Variants in TTC13 observed in about 807,000 individuals in gnomAD.
TTC13 encodes tetratricopeptide repeat domain 13.
Under a neutral mutation model 120.0 loss-of-function variants are expected in TTC13, and 62 were observed. The ratio of observed to expected loss-of-function variants is 0.52; its 90% CI spans 0.42 to 0.64. The LOEUF (loss-of-function observed/expected upper bound fraction) is 0.64. Among genes scored for constraint, TTC13 ranks in the 30% least tolerant of loss-of-function variants. The pLI, the probability that TTC13 is intolerant of heterozygous loss-of-function variation, is 0.00. For synonymous variants in TTC13, 384 were observed against 393.5 expected (o/e 0.98, Z 0.28); for missense variants, 824 against 1,050.2 (o/e 0.78, Z 2.98).
At chr1:230,935,532 C>G (rs1414320391) in intron 8 of TTC13, among the ~76,000 whole-genome samples, 3 of 152,070 alleles carry the variant, frequency 2.0e-5, no homozygotes, top group African/African-American at 7.2e-5. Context: ...TAGTACTGTA[C>G]AGTGGCACAG....
chr1:230,921,431 C>A lies in TTC13; in HGVS notation c.1888G>T (p.Val630Phe), dbSNP rs775425838. The A allele has an allele frequency of 1.3e-6, 2 of 1,499,776 alleles. No individual in the cohort carries two copies. The highest frequency in any genetic ancestry group is 9.1e-7 in the Non-Finnish European group (1 of 1,093,222). 92.9% of individuals were successfully genotyped at this position (1,499,776 alleles called of 1,614,324 possible). The change falls in exon 16 of 23, where the codon GTT becomes TTT. Residue 630 changes from valine to phenylalanine, a missense_variant. Val to Phe is a conservative substitution (Grantham distance 50). Coordinates refer to ENST00000366661, the MANE Select transcript of TTC13 (RefSeq NM_024525.5). The stretch of plus-strand genomic sequence containing the variant: ...AAATTAAAGGCTTACCCATGATAAA[C>A]AAGAATTCTGTCTTTAATAAAATGA... ...ILHFIKDRIL[V>F]YHGANNPKGL...
In TTC13 at chr1:230,909,005, C is replaced by T. The variant is rs779807159; in HGVS notation, c.2325G>A (p.Ser775=). 39 of 1,613,884 alleles carry T rather than the reference C, an allele frequency of 2.4e-5. No individual in the cohort carries two copies. Among genetic ancestry groups the T allele is most frequent in the South Asian group, 1.5e-4 (14 of 91,076 alleles). ...TTGCCATCAGTGCTCCCACGATGAC[C>T]GAGTAAGCAATTACACTATTTAAAT... ...LSRGSSVIAY[S]VIVGALMASG... is the part of the protein sequence containing the mutation. Residue 775 remains serine (S), a synonymous_variant, in exon 21 of 23, where the codon TCG becomes TCA. Transcript: ENST00000366661.
intron 10 of TTC13, 74 bp from the exon 11 acceptor site, chr1:230,931,546 A>G: frequency 6.4e-7 from 1 of 1,554,964 alleles, no homozygotes; most frequent in South Asian, 1.2e-5. Flanking sequence ...TTACTCTGGA[A>G]TTAGTTTTCC....
Position 230,958,249 on chromosome 1 carries a change from A to C in TTC13, c.417T>G (p.Asp139Glu). 1 of 1,613,154 alleles carries C rather than the reference A, an allele frequency of 6.2e-7. No individual in the cohort carries two copies. Among genetic ancestry groups the C allele is most frequent in the Non-Finnish European group, 8.5e-7 (1 of 1,179,826 alleles). The change falls in exon 3 of 23, where the codon GAT (aspartate) becomes GAG (glutamate). Residue 139 changes from aspartate (D) to glutamate (E), a missense_variant. Around this residue, in one of 4 missense-constraint regions of TTC13, gnomAD observed 430 missense variants for 626.8 expected, o/e 0.69. Transcript: ENST00000366661. ...AEQKRFPFAT[D>E]NDSTNEELAI... is the part of the protein sequence containing the mutation. ...CTAACTCTTCATTTGTGCTGTCATT[A>C]TCAGTGGCAAACGGGAATCTCTTCT... is the stretch of plus-strand genomic sequence containing the variant.
At chr1:230,969,862 T>C (rs1358658924) in intron 1 of TTC13, among the ~76,000 whole-genome samples, 1 of 152,256 alleles carries the variant, frequency 6.6e-6, no homozygotes, top group African/African-American at 2.4e-5. Context: ...TAGTATAGGC[T>C]TATAGGCTAA....
At chr1:230,947,683 C>T (rs1675130161) in intron 4 of TTC13, among the ~76,000 whole-genome samples, 2 of 152,188 alleles carry the variant, frequency 1.3e-5, no homozygotes, top group African/African-American at 4.8e-5. Flanking sequence ...GGATAACATA[C>T]ATCTCCAGGA....
intron 11 of TTC13, among the ~76,000 whole-genome samples, chr1:230,930,810 C>T (rs949760381): frequency 7.2e-5 from 11 of 152,090 alleles, no homozygotes; most frequent in East Asian, 1.9e-4. Flanking sequence ...CCCAGCTACT[C>T]GGGAGGCTGA....
intron 1 of TTC13, among the ~76,000 whole-genome samples, chr1:230,972,712 T>G (rs983631202): frequency 2.6e-5 from 4 of 152,334 alleles, no homozygotes; most frequent in African/African-American, 9.6e-5. Context: ...AAATAATAAT[T>G]AACCCTTATC....
chr1:230,924,436 C>A (rs1672869400), intron 14 of TTC13, among the ~76,000 whole-genome samples: 1 of 152,158 alleles, frequency 6.6e-6, no homozygotes, highest in African/African-American at 2.4e-5. Flanking sequence ...GGGTTCACGC[C>A]ATTCTCCTGC....
At chr1:230,959,867 T>A (rs1465238086) in intron 2 of TTC13, among the ~76,000 whole-genome samples, 1 of 152,264 alleles carries the variant, frequency 6.6e-6, no homozygotes, top group African/African-American at 2.4e-5. Flanking sequence ...TCCTGAAAGC[T>A]GTATTGCCTG....
chr1:230,942,985 C>T lies in TTC13; in HGVS notation c.672+821G>A, dbSNP rs1035824401. The stretch of plus-strand genomic sequence containing the variant: ...CCTTTAAGATGTGGCTGTCATCATC[C>T]TCACTTGATCTATGTATCCATGCAC... On this transcript the variant is annotated intron_variant, in intron 6 of 22. Transcript: ENST00000366661. This position sits in a 1 kb window ranked among gnomAD's most constrained non-coding sequence, Gnocchi z 4.0. Among the ~76,000 whole-genome samples, 2 of 152,164 alleles carry T rather than the reference C, an allele frequency of 1.3e-5. No individual in the cohort carries two copies. Among genetic ancestry groups the T allele is most frequent in the African/African-American group, 4.8e-5 (2 of 41,432 alleles).
At position 230,916,228 on chromosome 1, in the gene TTC13, T is replaced by C. The variant is rs775277520; in HGVS notation, c.2058A>G (p.Glu686=). 8.1e-5 allele frequency: 130 copies of C among 1,614,116 alleles called. No individual in the cohort carries two copies. Among genetic ancestry groups the C allele is most frequent in the Middle Eastern group, 1.6e-4 (1 of 6,062 alleles). The change falls in exon 18 of 23, where the codon GAA becomes GAG. Residue 686 remains glutamate, a synonymous_variant. Transcript: ENST00000366661. ...TAATCGTGATTGTGAATCCATCATA[T>C]TCCTTCCCTTGGTCTTTAAGGCTGG... ...KVPSLKDQGK[E]YDGFTITITG...
Position 230,911,458 on chromosome 1 carries a change from G to A in TTC13, c.2309+12C>T, listed in dbSNP as rs370225801. 1.8e-5 allele frequency: 27 copies of A among 1,540,986 alleles called. No individual in the cohort carries two copies. The African/African-American group carries it at 3.2e-4, about 18-fold the overall frequency. ...CAATTTAAAATAATTTTAATGACAG[G>A]ATATTACTTACCTGGATCCTCGAGA... On this transcript the variant is annotated intron_variant, in intron 20 of 22. Coordinates refer to ENST00000366661, the MANE Select transcript of TTC13 (RefSeq NM_024525.5).
At position 230,940,091 on chromosome 1, in the gene TTC13, G is replaced by A. The variant is rs537099199; in HGVS notation, c.789+349C>T. Among the ~76,000 whole-genome samples, 47 of 152,232 alleles carry A rather than the reference G, an allele frequency of 3.1e-4. No homozygotes were observed. Among genetic ancestry groups the A allele is most frequent in the African/African-American group, 9.2e-4 (38 of 41,530 alleles). ...AACCCAAAGAAATTCAAATTGTACC[G>A]CTAAGTTTAATAATCACATTGACAA... is the stretch of plus-strand genomic sequence containing the variant. On this transcript the variant is annotated intron_variant, in intron 7 of 22. Coordinates refer to ENST00000366661, the MANE Select transcript of TTC13 (RefSeq NM_024525.5). The surrounding 1 kb of genome is among the most constrained non-coding windows in gnomAD (Gnocchi z 4.1).
intron 12 of TTC13, among the ~76,000 whole-genome samples, chr1:230,926,730 T>C (rs994362142): frequency 6.6e-6 from 1 of 152,216 alleles, no homozygotes; most frequent in African/African-American, 2.4e-5. Flanking sequence ...ATAATCTCCA[T>C]GAGCAATCAA....
At chr1:230,955,353 C>T (rs6541241) in intron 3 of TTC13, among the ~76,000 whole-genome samples, 105,499 of 151,932 alleles carry the variant, frequency 0.69, 37,311 homozygotes, top group African/African-American at 0.83. Context: ...AGAGCTTATA[C>T]TTTCTGACAG....
chr1:230,970,868 T>C (rs909078822), intron 1 of TTC13, among the ~76,000 whole-genome samples: 2 of 152,166 alleles, frequency 1.3e-5, no homozygotes, highest in Non-Finnish European at 1.5e-5. Context: ...GCTTTTCCCT[T>C]GGATGAGCTA....
chr1:230,906,916 T>C lies in TTC13; in HGVS notation c.2572A>G (p.Lys858Glu). 6.7e-7 allele frequency: 1 copy of C among 1,503,464 alleles called. No homozygotes were observed. The highest frequency in any genetic ancestry group is 2.6e-5 in the East Asian group (1 of 38,708). The allele number at this position is 1,503,464 out of a possible 1,614,324, so 93.1% of individuals were successfully genotyped here. ...ATACAGCAGCAGAACTAGAGTTTCTTAAGACAACGTGGAGAAGAGTCTGTG... is the reference window on the plus strand; with the variant it reads ...ATACAGCAGCAGAACTAGAGTTTCTCAAGACAACGTGGAGAAGAGTCTGTG... ...LNTDSSPRCL[K>E]KL is the part of the protein sequence containing the mutation. Residue 858 changes from lysine to glutamate, a missense_variant, in exon 23 of 23, where the codon AAG becomes GAG. By Grantham distance (56) the Lys-to-Glu change is moderately conservative. Transcript: ENST00000366661.
chr1:230,962,368 T>G (rs115988962), intron 1 of TTC13, among the ~76,000 whole-genome samples: 4 of 152,070 alleles, frequency 2.6e-5, no homozygotes, highest in African/African-American at 9.7e-5. Flanking sequence ...TAATTACTAC[T>G]TAGGGAAATG....
Sources: gnomAD v4.1 joint callset for allele counts (sites outside exome capture counted in the v4.1 genomes callset) on GRCh38, gnomAD v4.1.1 for gene constraint, gnomAD v4.1.1 regional missense constraint, Gnocchi (gnomAD v3.1) non-coding constraint, MANE v1.5 for transcripts, NCBI Gene and HGNC (gene_info 2026-07-23, HGNC 2026-07-21) for gene names.